Variants in RABGAP1L observed in about 807,000 individuals in gnomAD.
RABGAP1L encodes the protein RAB GTPase activating protein 1 like.
RABGAP1L carries 63 observed loss-of-function variants against 137.7 expected under a neutral mutation model. That is an observed-to-expected ratio of 0.46 (90% CI 0.37 to 0.56). The LOEUF (loss-of-function observed/expected upper bound fraction) is 0.56, where lower values mean the gene tolerates loss of function less well. Ranked by LOEUF, RABGAP1L falls within the 20% of genes least tolerant of loss-of-function variation. The pLI, the probability that RABGAP1L is intolerant of heterozygous loss-of-function variation, is 0.00. For missense variants in RABGAP1L, 1,095 were observed against 1,244.0 expected (o/e 0.88, Z 1.80); for synonymous variants, 431 against 433.7 (o/e 0.99, Z 0.08).
chr1:174,963,371 C>G (rs774726377), intron 20 of RABGAP1L, among the ~76,000 whole-genome samples: 1 of 152,040 alleles, frequency 6.6e-6, no homozygotes, highest in Non-Finnish European at 1.5e-5. Flanking sequence ...CTTTTGGCTT[C>G]TCAAGCAATA....
chr1:174,785,318 C>G (rs1428684441), intron 18 of RABGAP1L, among the ~76,000 whole-genome samples: 1 of 152,224 alleles, frequency 6.6e-6, no homozygotes, highest in African/African-American at 2.4e-5. Flanking sequence ...CCCATTTCAG[C>G]CTCCCAAAGT....
chr1:174,880,046 CAG>C (rs761920702), intron 19 of RABGAP1L, among the ~76,000 whole-genome samples: 1 of 131,916 alleles, frequency 7.6e-6, no homozygotes, highest in Non-Finnish European at 1.6e-5. Context: ...TGAGCTGAGA[CAG>C]AGCAAGACTC....
At chr1:174,484,696 T>A in intron 13 of RABGAP1L, among the ~76,000 whole-genome samples, 1 of 152,236 alleles carries the variant, frequency 6.6e-6, no homozygotes. Context: ...AAAAATGAAT[T>A]CATTGTAGAT....
chr1:174,218,575 T>A (rs1194227764), intron 1 of RABGAP1L, among the ~76,000 whole-genome samples: 1 of 152,158 alleles, frequency 6.6e-6, no homozygotes, highest in Non-Finnish European at 1.5e-5. Context: ...TAAGTGATAA[T>A]GTGTCAGGAA....
intron 14 of RABGAP1L, among the ~76,000 whole-genome samples, chr1:174,661,118 T>C (rs1676340321): frequency 1.3e-5 from 2 of 152,206 alleles, no homozygotes; most frequent in Non-Finnish European, 2.9e-5. Context: ...ATGTTTGGCA[T>C]TCAGAACTAC....
At chr1:174,872,847 T>A (rs1652424559) in intron 19 of RABGAP1L, among the ~76,000 whole-genome samples, 1 of 152,146 alleles carries the variant, frequency 6.6e-6, no homozygotes, top group African/African-American at 2.4e-5. Context: ...TTATAGTTAT[T>A]TATCTCACTG....
At chr1:174,918,826 C>CT (rs951386702) in intron 19 of RABGAP1L, among the ~76,000 whole-genome samples, 1 of 118,632 alleles carries the variant, frequency 8.4e-6, no homozygotes, top group Non-Finnish European at 1.8e-5. Flanking sequence ...GAGACCCACC[C>CT]CCCCGATCTC....
intron 13 of RABGAP1L, among the ~76,000 whole-genome samples, chr1:174,497,211 T>G (rs1660824181): frequency 6.6e-6 from 1 of 152,220 alleles, no homozygotes; most frequent in Admixed American, 6.5e-5. Context: ...TTTACTGAAA[T>G]ATTCCATCAT....
At chr1:174,497,070 A>G (rs1024924957) in intron 13 of RABGAP1L, among the ~76,000 whole-genome samples, 2 of 152,218 alleles carry the variant, frequency 1.3e-5, no homozygotes, top group African/African-American at 4.8e-5. Context: ...AGGTTCTTCT[A>G]CCACATGTAA....
chr1:174,544,347 G>T (rs1009825030), intron 13 of RABGAP1L, among the ~76,000 whole-genome samples: 8 of 151,710 alleles, frequency 5.3e-5, no homozygotes, highest in Non-Finnish European at 7.4e-5. Flanking sequence ...TCATTCATTT[G>T]ATCTTCAATC....
At chr1:174,613,710 C>A (rs1671498083) in intron 13 of RABGAP1L, among the ~76,000 whole-genome samples, 1 of 152,164 alleles carries the variant, frequency 6.6e-6, no homozygotes, top group Admixed American at 6.5e-5. Flanking sequence ...TTGTAGGTTA[C>A]TCAGGACTTG....
chr1:174,191,260 A>G (rs556188543), intron 1 of RABGAP1L, among the ~76,000 whole-genome samples: 1 of 152,362 alleles, frequency 6.6e-6, no homozygotes, highest in African/African-American at 2.4e-5. Flanking sequence ...AAATATAGAA[A>G]TATTTGAATT....
intron 17 of RABGAP1L, among the ~76,000 whole-genome samples, chr1:174,733,271 G>C (rs922704577): frequency 7.9e-5 from 12 of 152,158 alleles, no homozygotes; most frequent in African/African-American, 2.9e-4. Context: ...CAGGCTGCAG[G>C]GGTCAAGGAG....
At chr1:174,656,353 A>G (rs1572703984) in intron 14 of RABGAP1L, among the ~76,000 whole-genome samples, 1 of 152,064 alleles carries the variant, frequency 6.6e-6, no homozygotes, top group Admixed American at 6.6e-5. Context: ...AGCTATTTGG[A>G]AGGCTGAGGC....
At chr1:174,726,886 A>G (rs1290998045) in intron 17 of RABGAP1L, among the ~76,000 whole-genome samples, 2 of 152,052 alleles carry the variant, frequency 1.3e-5, no homozygotes, top group Admixed American at 1.3e-4. Context: ...ATATCTGATT[A>G]TTTTTAGTAC....
intron 5 of RABGAP1L, among the ~76,000 whole-genome samples, chr1:174,243,746 C>G (rs1672025907): frequency 6.6e-6 from 1 of 152,146 alleles, no homozygotes; most frequent in Non-Finnish European, 1.5e-5. Flanking sequence ...CTAATACCCT[C>G]ATTTTTATTC....
chr1:174,906,347 G>T (rs1183995838), intron 19 of RABGAP1L, among the ~76,000 whole-genome samples: 3 of 152,116 alleles, frequency 2.0e-5, no homozygotes, highest in African/African-American at 7.2e-5. Flanking sequence ...ATAATAATAG[G>T]CTGGGTGCAT....
At chr1:174,578,372 G>A (rs980693566) in intron 13 of RABGAP1L, among the ~76,000 whole-genome samples, 7 of 152,018 alleles carry the variant, frequency 4.6e-5, no homozygotes, top group African/African-American at 1.7e-4. Context: ...TTTTTATAGA[G>A]AGGAGATCTC....
intron 22 of RABGAP1L, among the ~76,000 whole-genome samples, chr1:174,978,419 A>AT (rs1670829839): frequency 6.6e-6 from 1 of 152,144 alleles, no homozygotes; most frequent in South Asian, 2.1e-4. Context: ...GCCTACAATG[A>AT]TTTTTTTCAG....
Sources: allele counts gnomAD v4.1 joint callset (sites outside exome capture counted in the v4.1 genomes callset), GRCh38; gene constraint gnomAD v4.1.1; transcripts MANE v1.5; gene names NCBI Gene and HGNC (gene_info 2026-07-23, HGNC 2026-07-21).